The following ADCY5 variants were observed in gnomAD, a reference collection of about 807,000 sequenced individuals.
The protein encoded by ADCY5 is adenylate cyclase type 5.
Under a neutral mutation model 119.7 loss-of-function variants are expected in ADCY5, and 30 were observed. The observed-to-expected ratio is 0.25, with a 90% CI of 0.19 to 0.34. ADCY5 has a LOEUF of 0.34. Ranked by LOEUF, ADCY5 falls within the 10% of genes least tolerant of loss-of-function variation. The pLI is 1.00. For synonymous variants in ADCY5, 753 were observed against 762.2 expected (o/e 0.99, Z 0.20); for missense variants, 1,324 against 1,775.2 (o/e 0.75, Z 4.57).
chr3:123,386,175 C>T (rs1944215722), intron 1 of ADCY5, among the ~76,000 whole-genome samples: 1 of 152,216 alleles, frequency 6.6e-6, no homozygotes, highest in African/African-American at 2.4e-5. Context: ...TTTAGGTGGA[C>T]AGGAGGGCAC....
chr3:123,378,616 G>A (rs191068475), intron 1 of ADCY5, among the ~76,000 whole-genome samples: 6 of 152,340 alleles, frequency 3.9e-5, no homozygotes, highest in Admixed American at 3.3e-4. Context: ...CTGGCCTGAG[G>A]AGGGCAGTTT....
chr3:123,293,900 G>A (rs922230207), intron 17 of ADCY5, among the ~76,000 whole-genome samples: 1 of 152,210 alleles, frequency 6.6e-6, no homozygotes, highest in East Asian at 1.9e-4. Flanking sequence ...AAGAATGAGG[G>A]AGGGCTCTTT....
intron 1 of ADCY5, among the ~76,000 whole-genome samples, chr3:123,367,120 C>T (rs1424103376): frequency 6.6e-6 from 1 of 152,220 alleles, no homozygotes; most frequent in Non-Finnish European, 1.5e-5. Flanking sequence ...CCCATCCAAC[C>T]GTGCTAGATC....
chr3:123,419,156 G>A (rs889581725), intron 1 of ADCY5: 24 of 985,086 alleles, frequency 2.4e-5, no homozygotes, highest in African/African-American at 1.2e-4. Flanking sequence ...GCCGGTGCCC[G>A]AGAGAGCACC....
At position 123,445,347 on chromosome 3, in the gene ADCY5, C is replaced by CG. The variant is rs1559881604; in HGVS notation, c.1134+2064_1134+2065insC. On this transcript the variant is annotated intron_variant, in intron 1 of 20. Coordinates refer to ENST00000462833, the MANE Select transcript of ADCY5 (RefSeq NM_183357.3). ...GCTAAGGTGGAATTGGGGCCCCCCCCAAGGCTCAGCACCCCTTTCCTGGGA... is the reference window on the plus strand; with the variant it reads ...GCTAAGGTGGAATTGGGGCCCCCCCCGAAGGCTCAGCACCCCTTTCCTGGGA... Among the ~76,000 whole-genome samples, 5 of 150,016 alleles carry CG rather than the reference C, an allele frequency of 3.3e-5. No individual in the cohort carries two copies. The East Asian group carries it at 7.8e-4, about 24-fold the overall frequency.
intron 3 of ADCY5, among the ~76,000 whole-genome samples, chr3:123,333,172 G>A (rs561271978): frequency 8.5e-5 from 13 of 152,312 alleles, no homozygotes; most frequent in Admixed American, 7.8e-4. Flanking sequence ...GAAGAGACAA[G>A]AGAGCTTGCT....
intron 1 of ADCY5, among the ~76,000 whole-genome samples, chr3:123,422,172 G>C (rs1409073098): frequency 6.6e-6 from 1 of 152,180 alleles, no homozygotes; most frequent in African/African-American, 2.4e-5. Flanking sequence ...AGCTCCTAAT[G>C]CTGCCAGGCT....
intron 1 of ADCY5, among the ~76,000 whole-genome samples, chr3:123,422,836 G>A (rs1298132862): frequency 1.3e-5 from 2 of 152,214 alleles, no homozygotes; most frequent in Non-Finnish European, 2.9e-5. Context: ...TTCAGGGGAG[G>A]GGGCAAGCAT....
chr3:123,358,309 G>A (rs1447127473), intron 1 of ADCY5, among the ~76,000 whole-genome samples: 1 of 152,076 alleles, frequency 6.6e-6, no homozygotes, highest in Non-Finnish European at 1.5e-5. Context: ...CTCAGCATCT[G>A]CTTTAAAACA....
chr3:123,396,014 G>GAGAGAGGGAGGGAGGA (rs1373192595), intron 1 of ADCY5, among the ~76,000 whole-genome samples: 1,503 of 107,328 alleles, frequency 0.014, 133 homozygotes, highest in Non-Finnish European at 0.019. Flanking sequence ...AAGAGAGAAA[G>GAGAGAGGGAGGGAGGA]AGAGAGGGAG....
chr3:123,400,722 G>A (rs534686589), intron 1 of ADCY5, among the ~76,000 whole-genome samples: 4 of 152,294 alleles, frequency 2.6e-5, no homozygotes, highest in East Asian at 1.9e-4. Context: ...CAAGGCAGGC[G>A]GATCATGAGG....
chr3:123,361,084 A>G (rs923430119), intron 1 of ADCY5, among the ~76,000 whole-genome samples: 1 of 152,162 alleles, frequency 6.6e-6, no homozygotes, highest in African/African-American at 2.4e-5. Context: ...GTTTTATTCT[A>G]TTTAATAAAG....
intron 3 of ADCY5, among the ~76,000 whole-genome samples, chr3:123,345,903 G>A (rs551856659): frequency 1.3e-5 from 2 of 152,230 alleles, no homozygotes; most frequent in Admixed American, 6.5e-5. Context: ...TCCTGGGCAC[G>A]TAAAAACATC....
intron 6 of ADCY5, among the ~76,000 whole-genome samples, chr3:123,328,403 G>A (rs1941596199): frequency 2.0e-5 from 3 of 152,282 alleles, no homozygotes; most frequent in Non-Finnish European, 4.4e-5. Flanking sequence ...AATATCTTCT[G>A]GGTCAAGGCT....
chr3:123,391,060 G>C (rs1013764574), intron 1 of ADCY5, among the ~76,000 whole-genome samples: 1 of 152,232 alleles, frequency 6.6e-6, no homozygotes, highest in Non-Finnish European at 1.5e-5. Context: ...GCCCCTCCAG[G>C]GGCTTGGGGG....
intron 7 of ADCY5, 81 bp downstream of exon 7, chr3:123,327,537 G>T: frequency 7.2e-7 from 1 of 1,389,124 alleles, no homozygotes; most frequent in South Asian, 1.4e-5. Context: ...CTCAAGGAAA[G>T]AGAAGGAAGC....
chr3:123,426,311 TTTG>T (rs1945410298), intron 1 of ADCY5, among the ~76,000 whole-genome samples: 1 of 2,666 alleles, frequency 3.8e-4, no homozygotes, highest in African/African-American at 4.4e-4. Context: ...TTTTTTTTTG[TTTG>T]TTTTTGTTTG....
chr3:123,372,971 G>A (rs546756931), intron 1 of ADCY5, among the ~76,000 whole-genome samples: 2 of 152,260 alleles, frequency 1.3e-5, no homozygotes, highest in East Asian at 3.9e-4. Flanking sequence ...CAGAGGAAAA[G>A]GCAGGGATAC....
At chr3:123,393,761 T>G (rs1353089232) in intron 1 of ADCY5, among the ~76,000 whole-genome samples, 1 of 151,926 alleles carries the variant, frequency 6.6e-6, no homozygotes, top group Non-Finnish European at 1.5e-5. Flanking sequence ...CTGACATCCC[T>G]GGGCCCTGGG....
Sources: gnomAD v4.1 joint callset for allele counts (sites outside exome capture counted in the v4.1 genomes callset) on GRCh38, gnomAD v4.1.1 for gene constraint, MANE v1.5 for transcripts, NCBI Gene and HGNC (gene_info 2026-07-23, HGNC 2026-07-21) for gene names.